Variants in ECM2 observed in about 807,000 individuals in gnomAD.
ECM2 encodes the protein extracellular matrix protein 2, also known as extracellular matrix protein 2, female organ and adipocyte specific.
In ECM2, 57 loss-of-function variants were observed where a neutral mutation model predicts 67.5. The ratio of observed to expected loss-of-function variants is 0.84; its 90% CI spans 0.68 to 1.05. ECM2 has a LOEUF of 1.05. Among genes scored for constraint, ECM2 ranks in the 50% least tolerant of loss-of-function variants. ECM2 has a pLI of 0.00. For missense variants in ECM2, 741 were observed against 822.8 expected (o/e 0.90, Z 1.22); for synonymous variants, 258 against 294.5 (o/e 0.88, Z 1.27).
At chr9:92,541,475 C>T (rs1310301576), upstream of ECM2, among the ~76,000 whole-genome samples, 1 of 146,392 alleles carries the variant, frequency 6.8e-6, no homozygotes, top group East Asian at 2.2e-4. Context: ...ATTCCCCTGC[C>T]TCAGCCTCCC....
chr9:92,550,577 C>T, the ECM2 span, among the ~76,000 whole-genome samples: 8 of 150,564 alleles, frequency 5.3e-5, no homozygotes, highest in African/African-American at 2.0e-4. Flanking sequence ...TGTTTGATTT[C>T]CTGTCCTGCT....
chr9:92,509,091 C>T (rs553102695), intron 6 of ECM2, among the ~76,000 whole-genome samples: 3 of 151,504 alleles, frequency 2.0e-5, no homozygotes, highest in African/African-American at 7.3e-5. Flanking sequence ...AGCACAGTCC[C>T]GAAACAAGCA....
chr9:92,532,015 G>GTTT (rs71362397), intron 1 of ECM2, among the ~76,000 whole-genome samples: 4,612 of 95,148 alleles, frequency 0.048, 1,164 homozygotes, highest in African/African-American at 0.15. Context: ...TTTATTTAAT[G>GTTT]TTTTTTTTTT....
chr9:92,525,356 G>A (rs192199452), intron 1 of ECM2, among the ~76,000 whole-genome samples: 1 of 151,788 alleles, frequency 6.6e-6, no homozygotes, highest in Admixed American at 6.6e-5. Context: ...GAAAGACCCT[G>A]CAAGCATTTG....
chr9:92,538,963 T>G (rs1336628238), upstream of ECM2: 3 of 152,180 alleles, frequency 2.0e-5, no homozygotes, highest in African/African-American at 4.8e-5. Context: ...AAGGATGCAA[T>G]TGTCTACCAT....
chr9:92,555,757 GAAGTT>G, the ECM2 span, among the ~76,000 whole-genome samples: 2 of 152,116 alleles, frequency 1.3e-5, no homozygotes, highest in African/African-American at 2.4e-5. Flanking sequence ...GTTTCTTAGT[GAAGTT>G]ATTTGGATTT....
At chr9:92,549,814 G>A in the ECM2 span, among the ~76,000 whole-genome samples, 2 of 152,112 alleles carry the variant, frequency 1.3e-5, no homozygotes, top group Admixed American at 6.5e-5. Context: ...ATAGATGTAC[G>A]TTCTGTCTCT....
At chr9:92,511,927 C>G (rs1391676851) in intron 5 of ECM2, 84 bp downstream of exon 5, 2 of 1,015,674 alleles carry the variant, frequency 2.0e-6, no homozygotes, top group African/African-American at 1.7e-5. Context: ...AAGCATTTTC[C>G]TTTTCCTCCC....
intron 2 of ECM2, among the ~76,000 whole-genome samples, chr9:92,521,141 A>C (rs958740661): frequency 2.0e-5 from 3 of 152,222 alleles, no homozygotes; most frequent in Non-Finnish European, 4.4e-5. Context: ...AAGTACTGTA[A>C]GATCACTGGA....
At chr9:92,552,540 G>A in the ECM2 span, among the ~76,000 whole-genome samples, 45 of 152,174 alleles carry the variant, frequency 3.0e-4, no homozygotes, top group South Asian at 8.3e-4. Flanking sequence ...GGCCATTCTT[G>A]TAGGAGTAAG....
At chr9:92,532,940 G>C (rs1848888105) in intron 1 of ECM2, among the ~76,000 whole-genome samples, 1 of 151,956 alleles carries the variant, frequency 6.6e-6, no homozygotes, top group South Asian at 2.1e-4. Context: ...TCAGGCATAA[G>C]GTTAAGTACA....
upstream of ECM2, chr9:92,536,686 G>A (rs777040195): frequency 6.6e-6 from 1 of 152,114 alleles, no homozygotes; most frequent in Non-Finnish European, 1.5e-5. Flanking sequence ...AGGATTCCAA[G>A]CGCAACCCTG....
chr9:92,510,100 A>G (rs1847245817), intron 5 of ECM2, 66 bp from the exon 6 acceptor site: 5 of 1,516,772 alleles, frequency 3.3e-6, no homozygotes, highest in African/African-American at 1.4e-5. Flanking sequence ...ATTTCATATA[A>G]TGGTCGTGAC....
chr9:92,543,220 C>T, the ECM2 span, among the ~76,000 whole-genome samples: 1 of 152,054 alleles, frequency 6.6e-6, no homozygotes, highest in Non-Finnish European at 1.5e-5. Context: ...ACCTGTAATC[C>T]AAGCACTTTG....
intron 9 of ECM2, 88 bp downstream of exon 9, chr9:92,500,639 G>T: frequency 7.4e-7 from 1 of 1,351,646 alleles, no homozygotes; most frequent in Non-Finnish European, 1.0e-6. Flanking sequence ...TTCCCTTAAC[G>T]TAAATCCCAG....
chr9:92,525,723 T>C (rs2131258122), intron 1 of ECM2, among the ~76,000 whole-genome samples: 1 of 152,024 alleles, frequency 6.6e-6, no homozygotes, highest in South Asian at 2.1e-4. Context: ...AAACCCCATC[T>C]CTACTAAAAA....
the ECM2 span, among the ~76,000 whole-genome samples, chr9:92,547,887 G>A: frequency 2.0e-5 from 3 of 152,118 alleles, no homozygotes; most frequent in Non-Finnish European, 4.4e-5. Flanking sequence ...AAACAGTGAT[G>A]CCCACTGAAG....
chr9:92,546,838 A>G, the ECM2 span, among the ~76,000 whole-genome samples: 1 of 152,220 alleles, frequency 6.6e-6, no homozygotes, highest in Non-Finnish European at 1.5e-5. Flanking sequence ...CAGAAAATCT[A>G]AATTGTCTAT....
intron 9 of ECM2, among the ~76,000 whole-genome samples, chr9:92,499,642 T>A (rs543802592): frequency 1.6e-4 from 24 of 152,160 alleles, no homozygotes; most frequent in Middle Eastern, 3.2e-3. Context: ...CTGTGAAGTA[T>A]TTTTGCCAAA....
Sources: allele counts gnomAD v4.1 joint callset (sites outside exome capture counted in the v4.1 genomes callset), GRCh38; gene constraint gnomAD v4.1.1; transcripts MANE v1.5; gene names NCBI Gene and HGNC (gene_info 2026-07-23, HGNC 2026-07-21).